The following SYNE2 variants were observed in gnomAD, a reference collection of about 807,000 sequenced individuals.
SYNE2 encodes spectrin repeat containing nuclear envelope protein 2, also known as nesprin-2.
Under a neutral mutation model 856.3 loss-of-function variants are expected in SYNE2, and 431 were observed. That is an observed-to-expected ratio of 0.50 (90% CI 0.47 to 0.55). SYNE2 has a LOEUF of 0.55. Among genes scored for constraint, SYNE2 ranks in the 20% least tolerant of loss-of-function variants. The pLI, the probability that SYNE2 is intolerant of heterozygous loss-of-function variation, is 0.00. For missense variants in SYNE2, 8,129 were observed against 8,023.2 expected, an observed-to-expected ratio of 1.01 and a Z score of -0.50; for synonymous variants, 2,923 against 2,872.3, an observed-to-expected ratio of 1.02 and a Z score of -0.56.
intron 100 of SYNE2, among the ~76,000 whole-genome samples, chr14:64,205,132 C>T (rs1485439294): frequency 1.3e-5 from 2 of 152,118 alleles, no homozygotes; most frequent in East Asian, 1.9e-4. Flanking sequence ...TCAAGGTCAG[C>T]TGATTAGCAA....
At chr14:63,769,668 C>CAAA (rs373323502) in intron 1 of SYNE2, among the ~76,000 whole-genome samples, 3 of 86,366 alleles carry the variant, frequency 3.5e-5, no homozygotes, top group South Asian at 5.2e-4. Flanking sequence ...GACTCCATCT[C>CAAA]AAAAAAAAAA....
intron 82 of SYNE2, among the ~76,000 whole-genome samples, chr14:64,143,469 A>G (rs2098156569): frequency 6.6e-6 from 1 of 152,204 alleles, no homozygotes; most frequent in Non-Finnish European, 1.5e-5. Context: ...AGCCTCCCCC[A>G]GGAAGCTTTG....
intron 2 of SYNE2, among the ~76,000 whole-genome samples, chr14:63,929,406 A>G (rs1207821536): frequency 1.3e-5 from 2 of 152,228 alleles, no homozygotes; most frequent in Non-Finnish European, 2.9e-5. Flanking sequence ...GTAAATCTAA[A>G]GAAGAAAGTA....
chr14:63,958,167 A>C (rs1034695256), intron 8 of SYNE2, among the ~76,000 whole-genome samples: 5 of 152,230 alleles, frequency 3.3e-5, no homozygotes, highest in Non-Finnish European at 7.3e-5. Flanking sequence ...ATCTTACATT[A>C]GTATAGTACA....
At position 64,167,615 on chromosome 14, in the gene SYNE2, C is replaced by A; in HGVS notation, c.16881C>A (p.Leu5627=). 6.2e-7 allele frequency: 1 copy of A among 1,614,182 alleles called. No individual in the cohort carries two copies. Among genetic ancestry groups the A allele is most frequent in the Non-Finnish European group, 8.5e-7 (1 of 1,180,038 alleles). ...ATGTGGCTAACAGCCTTCCTGAGCT[C>A]CTGGAGCAGCAGAAAACCTATAAGG... is the stretch of plus-strand genomic sequence containing the variant. ...KVDVANSLPE[L]LEQQKTYKML... Residue 5627 remains leucine, a synonymous_variant, in exon 92 of 116, where the codon CTC becomes CTA. Coordinates refer to ENST00000555002, the MANE Select transcript of SYNE2 (RefSeq NM_182914.3).
chr14:64,156,202 A>G (rs2098283796), intron 85 of SYNE2, among the ~76,000 whole-genome samples: 1 of 152,020 alleles, frequency 6.6e-6, no homozygotes, highest in South Asian at 2.1e-4. Context: ...TTTTCCATGA[A>G]GCTTTATTAT....
intron 55 of SYNE2, 41 bp from the exon 56 acceptor site, chr14:64,080,415 T>C (rs775325888): frequency 6.2e-7 from 1 of 1,603,590 alleles, no homozygotes; most frequent in Non-Finnish European, 8.5e-7. Flanking sequence ...CCATAAACTA[T>C]GACCTCTTCA....
chr14:63,990,994 C>G lies in SYNE2; in HGVS notation c.2525C>G (p.Pro842Arg), dbSNP rs1230958792. ...AALKNLTDVS[P>R]DLDIRLKMEE... ...TTGAAGAACTTAACTGACGTTTCAC[C>G]AGATTTGGACATCAGGCTGAAGATG... Residue 842 changes from proline to arginine, a missense_variant, in exon 21 of 116, where the codon CCA becomes CGA. By Grantham distance (103) the Pro-to-Arg change is moderately radical. Coordinates refer to ENST00000555002, the MANE Select transcript of SYNE2 (RefSeq NM_182914.3). The G allele has an allele frequency of 1.2e-6, 2 of 1,613,926 alleles. No homozygotes were observed. Among genetic ancestry groups the G allele is most frequent in the Non-Finnish European group, 1.7e-6 (2 of 1,179,994 alleles).
At chr14:63,761,597 T>C (rs1886483815), upstream of SYNE2, among the ~76,000 whole-genome samples, 1 of 152,212 alleles carries the variant, frequency 6.6e-6, no homozygotes, top group African/African-American at 2.4e-5. Flanking sequence ...TGTGTCTTCA[T>C]AGATAAGGAT....
chr14:63,908,054 A>G (rs1037191798), intron 1 of SYNE2, among the ~76,000 whole-genome samples: 1 of 152,084 alleles, frequency 6.6e-6, no homozygotes, highest in Non-Finnish European at 1.5e-5. Flanking sequence ...CTGTTTAATG[A>G]TTCTTATTCT....
rs140765703 is a variant in SYNE2, at chr14:64,092,300, CATT to C, written c.11977-1048_11977-1046del. ...ACTATGCTGCTCAAATTTTCCATCT[CATT>C]GTGCTGGTGGCAATCAGATGTCCCC... On this transcript the variant is annotated intron_variant, in intron 60 of 115. Transcript: ENST00000555002. 9.1e-3 allele frequency among the ~76,000 whole-genome samples: 1,383 copies of C among 152,282 alleles called. 16 individuals carry two copies. The highest frequency in any genetic ancestry group is 0.031 in the African/African-American group (1,280 of 41,558).
At chr14:63,784,639 A>C (rs4591051) in intron 1 of SYNE2, among the ~76,000 whole-genome samples, 95,927 of 151,674 alleles carry the variant, frequency 0.63, 30,801 homozygotes, top group South Asian at 0.75. Flanking sequence ...GGATTACAGG[A>C]ATGAGCCATG....
intron 110 of SYNE2, 99 bp downstream of exon 110, chr14:64,219,509 C>T (rs2098684706): frequency 2.5e-6 from 3 of 1,182,742 alleles, no homozygotes; most frequent in Non-Finnish European, 3.7e-6. Flanking sequence ...GGCATAGGCG[C>T]AGCTTGCAGA....
At chr14:63,785,505 A>T (rs958769628) in intron 1 of SYNE2, among the ~76,000 whole-genome samples, 2 of 152,108 alleles carry the variant, frequency 1.3e-5, no homozygotes, top group African/African-American at 4.8e-5. Context: ...GGCACACTTC[A>T]TATCCAGAAT....
Position 64,119,578 on chromosome 14 carries a change from T to G in SYNE2, c.12992T>G (p.Met4331Arg), listed in dbSNP as rs2097882345. 1 of 1,614,038 alleles carries G rather than the reference T, an allele frequency of 6.2e-7. No individual in the cohort carries two copies. Among genetic ancestry groups the G allele is most frequent in the Non-Finnish European group, 8.5e-7 (1 of 1,180,016 alleles). Reference sequence around the variant, plus strand: ...AAGTGCAATTTAGAAAAAGTCCAGATGATGCTTCAGGAGAAGCACAGTGAA... The same window carrying G: ...AAGTGCAATTTAGAAAAAGTCCAGAGGATGCTTCAGGAGAAGCACAGTGAA... ...TVKCNLEKVQ[M>R]MLQEKHSEDQ... The change falls in exon 67 of 116, where the codon ATG becomes AGG. Residue 4331 changes from methionine (M) to arginine (R), a missense_variant. By Grantham distance (91) the Met-to-Arg change is moderately conservative. Transcript: ENST00000555002.
intron 74 of SYNE2, among the ~76,000 whole-genome samples, chr14:64,128,985 C>A (rs2097981066): frequency 6.6e-6 from 1 of 152,222 alleles, no homozygotes. Flanking sequence ...AACTTGTACT[C>A]CTCCTAAGGA....
At chr14:63,877,828 G>A (rs2094762141) in intron 1 of SYNE2, among the ~76,000 whole-genome samples, 1 of 151,054 alleles carries the variant, frequency 6.6e-6, no homozygotes, top group Non-Finnish European at 1.5e-5. Context: ...TGTCTATAAG[G>A]TGTGGCGTTC....
At chr14:63,783,359 C>T (rs1276708250) in intron 1 of SYNE2, among the ~76,000 whole-genome samples, 1 of 152,028 alleles carries the variant, frequency 6.6e-6, no homozygotes, top group Non-Finnish European at 1.5e-5. Flanking sequence ...TTATAAATTA[C>T]CCAGTCTCGG....
At chr14:64,112,010 A>G (rs2097812740) in intron 65 of SYNE2, among the ~76,000 whole-genome samples, 1 of 152,224 alleles carries the variant, frequency 6.6e-6, no homozygotes, top group African/African-American at 2.4e-5. Context: ...GTATGTGAAG[A>G]TAATAGATGG....
Sources: gnomAD v4.1 joint callset for allele counts (sites outside exome capture counted in the v4.1 genomes callset) on GRCh38, gnomAD v4.1.1 for gene constraint, MANE v1.5 for transcripts, NCBI Gene and HGNC (gene_info 2026-07-23, HGNC 2026-07-21) for gene names.